Variants in GNA14 observed in about 807,000 individuals in gnomAD.
The protein encoded by GNA14 is guanine nucleotide-binding protein subunit alpha-14.
Under a neutral mutation model 42.0 loss-of-function variants are expected in GNA14, and 50 were observed. The observed-to-expected ratio is 1.19, with a 90% CI of 0.95 to 1.51. The LOEUF (loss-of-function observed/expected upper bound fraction) is 1.51. Among genes scored for constraint, GNA14 ranks in the 40% most tolerant of loss-of-function variants. GNA14 has a pLI of 0.00. For missense variants in GNA14, 473 were observed against 446.2 expected, an observed-to-expected ratio of 1.06 and a Z score of -0.54; for synonymous variants, 173 against 163.1, an observed-to-expected ratio of 1.06 and a Z score of -0.46.
intron 2 of GNA14, among the ~76,000 whole-genome samples, chr9:77,460,448 C>G (rs1458494895): frequency 6.6e-6 from 1 of 152,208 alleles, no homozygotes; most frequent in Admixed American, 6.5e-5. Flanking sequence ...CTGCTGGCCT[C>G]CTGACCTCTG....
chr9:77,608,847 C>T (rs759150500), intron 1 of GNA14, among the ~76,000 whole-genome samples: 3 of 149,882 alleles, frequency 2.0e-5, no homozygotes, highest in Non-Finnish European at 3.0e-5. Flanking sequence ...TTTATTTCTG[C>T]CCCCTTTAGT....
chr9:77,596,385 C>T (rs532571913), intron 1 of GNA14, among the ~76,000 whole-genome samples: 1 of 152,102 alleles, frequency 6.6e-6, no homozygotes, highest in African/African-American at 2.4e-5. Context: ...CATTGTATTG[C>T]ACAACTGATT....
chr9:77,567,211 T>C (rs1435780345), intron 1 of GNA14, among the ~76,000 whole-genome samples: 1 of 152,182 alleles, frequency 6.6e-6, no homozygotes, highest in African/African-American at 2.4e-5. Context: ...TACCTAGTCT[T>C]TAGGAAGCAA....
At chr9:77,424,503 G>A (rs1364048560) in intron 6 of GNA14, among the ~76,000 whole-genome samples, 4 of 152,158 alleles carry the variant, frequency 2.6e-5, no homozygotes, top group African/African-American at 4.8e-5. Flanking sequence ...GATTACAGGC[G>A]TGAGCCACCG....
At chr9:77,583,364 G>A (rs1391508632) in intron 1 of GNA14, among the ~76,000 whole-genome samples, 1 of 152,178 alleles carries the variant, frequency 6.6e-6, no homozygotes, top group African/African-American at 2.4e-5. Context: ...GGGAAATGTG[G>A]AAAAGCTCTG....
chr9:77,442,379 G>A (rs894016915), intron 2 of GNA14, among the ~76,000 whole-genome samples: 25 of 152,142 alleles, frequency 1.6e-4, no homozygotes, highest in African/African-American at 5.3e-4. Context: ...CTCAAAAAAA[G>A]AAAGAAAGCT....
Position 77,613,293 on chromosome 9 carries a change from T to A in GNA14, c.124+34377A>T, listed in dbSNP as rs188932668. 7.9e-5 allele frequency among the ~76,000 whole-genome samples: 12 copies of A among 152,348 alleles called. No individual in the cohort carries two copies. In the East Asian group the frequency reaches 2.1e-3, roughly 27 times the overall value. Reference sequence around the variant, plus strand: ...AATATGCTTCTCTACACTCACAAACTTAACACTAAATTTGTGATCACACTT... The same window carrying A: ...AATATGCTTCTCTACACTCACAAACATAACACTAAATTTGTGATCACACTT... On this transcript the variant is annotated intron_variant, in intron 1 of 6. Transcript: ENST00000341700.
At chr9:77,604,150 T>C (rs1267619077) in intron 1 of GNA14, among the ~76,000 whole-genome samples, 3 of 152,154 alleles carry the variant, frequency 2.0e-5, no homozygotes, top group Non-Finnish European at 4.4e-5. Flanking sequence ...CTTGAGCTCC[T>C]GCCCAGGTGT....
chr9:77,475,656 G>A (rs766247563), intron 2 of GNA14, among the ~76,000 whole-genome samples: 7 of 152,010 alleles, frequency 4.6e-5, no homozygotes, highest in Admixed American at 2.0e-4. Context: ...ACTCCTCTTC[G>A]TTCTTTCTAG....
In GNA14 at chr9:77,423,248, G is replaced by C. The variant is rs1835399587; in HGVS notation, c.*731C>G. On this transcript the variant is annotated 3_prime_UTR_variant, in exon 7 of 7. Coordinates refer to ENST00000341700, the MANE Select transcript of GNA14 (RefSeq NM_004297.4). ...TTTTAAGATCTGGTCATATACATTG[G>C]GGGTAAAAATGTACACACACACACA... is the stretch of plus-strand genomic sequence containing the variant. 6.6e-6 allele frequency: 1 copy of C among 151,602 alleles called. No homozygotes were observed. Among genetic ancestry groups the C allele is most frequent in the Non-Finnish European group, 1.5e-5 (1 of 67,956 alleles). 9.4% of individuals were successfully genotyped at this position (151,602 alleles called of 1,614,324 possible).
intron 1 of GNA14, among the ~76,000 whole-genome samples, chr9:77,598,003 C>G (rs1823494661): frequency 2.0e-5 from 3 of 152,168 alleles, no homozygotes; most frequent in Admixed American, 6.5e-5. Context: ...TATTCCACTG[C>G]ATTCCAGCCT....
Position 77,431,303 on chromosome 9 carries a change from T to C in GNA14, c.593+18A>G. 1.9e-6 allele frequency: 3 copies of C among 1,611,314 alleles called. No homozygotes were observed. Among genetic ancestry groups the C allele is most frequent in the Admixed American group, 1.7e-5 (1 of 59,918 alleles). On this transcript the variant is annotated intron_variant, in intron 4 of 6. Coordinates refer to ENST00000341700, the MANE Select transcript of GNA14 (RefSeq NM_004297.4). ...GCCTGGGCAGATTCTTCATGGTACA[T>C]CAGGGAGACAGACTTACCGAAAGAT...
intron 1 of GNA14, among the ~76,000 whole-genome samples, chr9:77,568,685 AC>A (rs1823011084): frequency 6.6e-6 from 1 of 152,128 alleles, no homozygotes. Flanking sequence ...GGAAAGGCTG[AC>A]TGGGCTTTCC....
chr9:77,619,526 A>G (rs1564068139), intron 1 of GNA14, among the ~76,000 whole-genome samples: 1 of 152,172 alleles, frequency 6.6e-6, no homozygotes, highest in Non-Finnish European at 1.5e-5. Context: ...CAAGGGCAGC[A>G]GTAGGGAACA....
intron 2 of GNA14, among the ~76,000 whole-genome samples, chr9:77,467,515 T>C (rs1380977157): frequency 6.6e-6 from 1 of 150,770 alleles, no homozygotes; most frequent in Non-Finnish European, 1.5e-5. Context: ...ATGTGGCTAC[T>C]AGATTCATGG....
chr9:77,591,719 A>G (rs1401918110), intron 1 of GNA14, among the ~76,000 whole-genome samples: 2 of 152,138 alleles, frequency 1.3e-5, no homozygotes, highest in Admixed American at 1.3e-4. Flanking sequence ...TCTATCTGGT[A>G]AATCCACTCC....
intron 2 of GNA14, among the ~76,000 whole-genome samples, chr9:77,449,544 C>T (rs547091187): frequency 1.5e-4 from 23 of 152,276 alleles, no homozygotes; most frequent in African/African-American, 4.3e-4. Context: ...AGTGGCCAGA[C>T]GTTTCTAGAG....
intron 2 of GNA14, among the ~76,000 whole-genome samples, chr9:77,502,734 C>G (rs1275873349): frequency 6.6e-6 from 1 of 152,114 alleles, no homozygotes. Flanking sequence ...TGACACTGCC[C>G]AAGAAGGGGG....
At chr9:77,554,963 CAG>C (rs998206364) in intron 1 of GNA14, among the ~76,000 whole-genome samples, 4 of 152,140 alleles carry the variant, frequency 2.6e-5, no homozygotes, top group Non-Finnish European at 5.9e-5. Context: ...TGTGAGGAAA[CAG>C]AAAGTTCCAT....
Sources: allele counts gnomAD v4.1 joint callset (sites outside exome capture counted in the v4.1 genomes callset), GRCh38; gene constraint gnomAD v4.1.1; transcripts MANE v1.5; gene names NCBI Gene and HGNC (gene_info 2026-07-23, HGNC 2026-07-21).